The following NUP160 variants were observed in gnomAD, a reference collection of about 807,000 sequenced individuals.
The protein encoded by NUP160 is nuclear pore complex protein Nup160.
NUP160 carries 94 observed loss-of-function variants against 196.9 expected under a neutral mutation model. The ratio of observed to expected loss-of-function variants is 0.48; its 90% CI spans 0.40 to 0.57. The LOEUF is 0.57. NUP160 is among the 20% of genes least tolerant of loss of function. The pLI is 0.00. For missense variants in NUP160, 1,638 were observed against 1,748.3 expected (o/e 0.94, Z 1.13); for synonymous variants, 605 against 619.7 (o/e 0.98, Z 0.35).
intron 25 of NUP160, 47 bp from the exon 26 acceptor site, chr11:47,798,121 A>G (rs184596182): frequency 1.9e-4 from 291 of 1,548,858 alleles, no homozygotes; most frequent in Admixed American, 1.0e-4. Flanking sequence ...TTAGTAGGTT[A>G]AACAGAGTTG....
rs1468967583 is a variant in NUP160, at chr11:47,848,406, G to A, written c.15C>T (p.Ser5=). Residue 5 remains serine, a synonymous_variant, in exon 1 of 36, where the codon TCC becomes TCT. Transcript: ENST00000378460. The stretch of plus-strand genomic sequence containing the variant: ...CCGGGGGTGGGGCGGGCGGAGCTGC[G>A]GACAGGTGAAGCATTCCGGGAGCAG... The A allele has an allele frequency of 2.5e-6, 4 of 1,586,282 alleles. No homozygotes were observed. The East Asian group carries it at 9.1e-5, about 36-fold the overall frequency.
intron 6 of NUP160, among the ~76,000 whole-genome samples, chr11:47,836,182 A>G (rs1381461017): frequency 6.6e-6 from 1 of 152,132 alleles, no homozygotes; most frequent in Non-Finnish European, 1.5e-5. Context: ...TGGGAGGCGG[A>G]GGTTGCAGTG....
intron 7 of NUP160, among the ~76,000 whole-genome samples, chr11:47,832,211 C>T (rs1162470006): frequency 1.3e-5 from 2 of 152,082 alleles, no homozygotes; most frequent in Non-Finnish European, 2.9e-5. Context: ...CAAATTCCAT[C>T]TTGTCTTTAA....
At chr11:47,832,064 G>A (rs907056339) in intron 7 of NUP160, among the ~76,000 whole-genome samples, 1 of 151,782 alleles carries the variant, frequency 6.6e-6, no homozygotes, top group African/African-American at 2.4e-5. Flanking sequence ...ACTACGCCCA[G>A]CTAATTTTTG....
exon 17 of NUP160, chr11:47,812,114 A>G: frequency 1.2e-6 from 2 of 1,614,206 alleles, no homozygotes; most frequent in Non-Finnish European, 1.7e-6. Flanking sequence ...AGATCTCTGC[A>G]GATCAGGAAA....
intron 27 of NUP160, among the ~76,000 whole-genome samples, chr11:47,794,677 C>T (rs1043801972): frequency 2.6e-5 from 4 of 151,814 alleles, no homozygotes; most frequent in Admixed American, 6.6e-5. Context: ...GAAGCTGAGG[C>T]GGGTGGATCA....
At chr11:47,788,350 C>T in intron 30 of NUP160, 45 bp from the exon 31 acceptor site, 1 of 1,610,438 alleles carries the variant, frequency 6.2e-7, no homozygotes, top group Non-Finnish European at 8.5e-7. Context: ...AAGGTATACA[C>T]AAATGAAACC....
exon 28 of NUP160, chr11:47,792,836 G>A: frequency 6.2e-7 from 1 of 1,614,150 alleles, no homozygotes; most frequent in Non-Finnish European, 8.5e-7. Context: ...GGACGAATAA[G>A]TCGTAAACAA....
At chr11:47,807,245 A>G in intron 18 of NUP160, 105 bp from the exon 19 acceptor site, 1 of 699,746 alleles carries the variant, frequency 1.4e-6, no homozygotes, top group African/African-American at 1.8e-5. Context: ...AATAAATTGC[A>G]CATAAAAGCT....
intron 7 of NUP160, chr11:47,827,175 A>C: frequency 2.2e-6 from 1 of 455,936 alleles, no homozygotes; most frequent in Non-Finnish European, 4.4e-6. Context: ...GAGACCAGGC[A>C]ACATGGCGAA....
chr11:47,840,281 A>C (rs1297330083), intron 3 of NUP160, 97 bp downstream of exon 3: 1 of 1,128,718 alleles, frequency 8.9e-7, no homozygotes, highest in Non-Finnish European at 1.3e-6. Flanking sequence ...ACGAGAATCC[A>C]AATTTCCTTC....
Position 47,791,505 on chromosome 11 carries a change from T to TA in NUP160, c.3511+424dup, listed in dbSNP as rs2097667885. Among the ~76,000 whole-genome samples, 4 of 152,236 alleles carry TA rather than the reference T, an allele frequency of 2.6e-5. No homozygotes were observed. The South Asian group carries it at 8.3e-4, about 32-fold the overall frequency. ...CAGGTGAGGGCCACTACTGCCCAGC[T>TA]AATTTTTGTATTTTTAGTAGAGATG... is the stretch of plus-strand genomic sequence containing the variant. On this transcript the variant is annotated intron_variant, in intron 29 of 35. Coordinates refer to ENST00000378460, the Ensembl canonical transcript of NUP160.
intron 7 of NUP160, among the ~76,000 whole-genome samples, chr11:47,824,024 T>C (rs1216591282): frequency 8.8e-6 from 1 of 114,004 alleles, no homozygotes; most frequent in Non-Finnish European, 1.9e-5. Flanking sequence ...TATATATATA[T>C]ATATATATAT....
At chr11:47,822,252 T>TAA in intron 7 of NUP160, 88 bp from the exon 8 acceptor site, 1 of 904,130 alleles carries the variant, frequency 1.1e-6, no homozygotes, top group Non-Finnish European at 1.7e-6. Context: ...CAGAAACCTT[T>TAA]AAAAAAAAAT....
intron 2 of NUP160, among the ~76,000 whole-genome samples, chr11:47,845,014 C>T (rs1382707253): frequency 6.6e-6 from 1 of 152,216 alleles, no homozygotes; most frequent in African/African-American, 2.4e-5. Context: ...CAGGAAGTTA[C>T]ATCAGGAGTC....
chr11:47,782,303 A>AAAT (rs2097661658), intron 34 of NUP160, among the ~76,000 whole-genome samples: 3 of 40,528 alleles, frequency 7.4e-5, no homozygotes, highest in Non-Finnish European at 1.3e-4. Flanking sequence ...AAAAAAAAAA[A>AAAT]ATATATATAT....
intron 34 of NUP160, among the ~76,000 whole-genome samples, chr11:47,780,769 T>A (rs2097660281): frequency 1.3e-5 from 2 of 151,772 alleles, no homozygotes; most frequent in South Asian, 4.2e-4. Context: ...CTCAAACTCC[T>A]GGCCTCAAGT....
rs557543573 is a variant in NUP160 at position 47,803,428 on chromosome 11, T to C, written c.2775+10A>G. On this transcript the variant is annotated intron_variant, in intron 22 of 35. Coordinates refer to ENST00000378460, the Ensembl canonical transcript of NUP160. ...TTATAAAGTTTATTTGCCATTCAAATGTAGTTTACCTTCTGTCCTTCTCCT... is the reference window on the plus strand; with the variant it reads ...TTATAAAGTTTATTTGCCATTCAAACGTAGTTTACCTTCTGTCCTTCTCCT... The C allele has an allele frequency of 2.0e-5, 30 of 1,518,178 alleles. No homozygotes were observed. The highest frequency in any genetic ancestry group is 1.4e-4 in the African/African-American group (10 of 73,128). 94.0% of individuals were successfully genotyped at this position (1,518,178 alleles called of 1,614,324 possible).
At chr11:47,788,897 A>G (rs1483541306) in intron 29 of NUP160, among the ~76,000 whole-genome samples, 2 of 151,286 alleles carry the variant, frequency 1.3e-5, no homozygotes, top group Non-Finnish European at 2.9e-5. Flanking sequence ...TTTTTTAAGG[A>G]AACAAATCTC....
Sources: allele counts gnomAD v4.1 joint callset (sites outside exome capture counted in the v4.1 genomes callset), GRCh38; gene constraint gnomAD v4.1.1; transcripts MANE v1.5; gene names NCBI Gene and HGNC (gene_info 2026-07-23, HGNC 2026-07-21).